EPHA6: variants seen among roughly 807,000 people sequenced by gnomAD.
The protein encoded by EPHA6 is EPH receptor A6, also known as ephrin type-A receptor 6.
In EPHA6, 50 loss-of-function variants were observed where a neutral mutation model predicts 112.0. The ratio of observed to expected loss-of-function variants is 0.45; its 90% CI spans 0.36 to 0.56. The LOEUF (loss-of-function observed/expected upper bound fraction) is 0.56. Among genes scored for constraint, EPHA6 ranks in the 20% least tolerant of loss-of-function variants. EPHA6 has a pLI of 0.00. For synonymous variants in EPHA6, 529 were observed against 490.7 expected, an observed-to-expected ratio of 1.08 and a Z score of -1.03; for missense variants, 1,280 against 1,417.4, an observed-to-expected ratio of 0.90 and a Z score of 1.56.
intron 2 of EPHA6, among the ~76,000 whole-genome samples, chr3:96,889,196 A>C (rs2037811514): frequency 6.6e-6 from 1 of 152,188 alleles, no homozygotes; most frequent in African/African-American, 2.4e-5. Context: ...GTCTCTAGGA[A>C]GTTCCAAAGT....
chr3:96,887,046 T>A (rs113367240), intron 2 of EPHA6, among the ~76,000 whole-genome samples: 6,290 of 152,260 alleles, frequency 0.041, 418 homozygotes, highest in African/African-American at 0.14. Context: ...CCCTCCCTGA[T>A]TAGCTTATTG....
intron 3 of EPHA6, among the ~76,000 whole-genome samples, chr3:97,049,082 C>A (rs2045604526): frequency 6.6e-6 from 1 of 152,158 alleles, no homozygotes; most frequent in African/African-American, 2.4e-5. Flanking sequence ...ACATCAGGGC[C>A]AGTGGGGCTT....
chr3:97,742,892 C>T (rs903439911), intron 16 of EPHA6, among the ~76,000 whole-genome samples: 9 of 152,056 alleles, frequency 5.9e-5, no homozygotes, highest in Non-Finnish European at 1.0e-4. Flanking sequence ...AAAATTATTT[C>T]ATGGATTAAG....
At chr3:97,490,471 C>A (rs1384211228) in intron 10 of EPHA6, among the ~76,000 whole-genome samples, 1 of 152,026 alleles carries the variant, frequency 6.6e-6, no homozygotes, top group Non-Finnish European at 1.5e-5. Context: ...TTGTTTATAA[C>A]TTACAAAGAA....
intron 5 of EPHA6, among the ~76,000 whole-genome samples, chr3:97,343,800 G>C (rs2083419467): frequency 1.3e-5 from 2 of 152,160 alleles, no homozygotes; most frequent in Non-Finnish European, 2.9e-5. Flanking sequence ...AAGAGGGCAG[G>C]GTTGGGACAT....
At chr3:97,007,263 C>A (rs2107927467) in intron 3 of EPHA6, among the ~76,000 whole-genome samples, 1 of 152,214 alleles carries the variant, frequency 6.6e-6, no homozygotes, top group African/African-American at 2.4e-5. Flanking sequence ...TGTCTAAGAA[C>A]TTGTCTTATG....
intron 3 of EPHA6, among the ~76,000 whole-genome samples, chr3:97,066,727 C>G (rs970913989): frequency 6.6e-6 from 1 of 152,082 alleles, no homozygotes; most frequent in Non-Finnish European, 1.5e-5. Context: ...GATTTCAGGG[C>G]AGAGATTATT....
At chr3:96,824,982 T>C (rs2033551298) in intron 1 of EPHA6, among the ~76,000 whole-genome samples, 1 of 151,872 alleles carries the variant, frequency 6.6e-6, no homozygotes, top group Non-Finnish European at 1.5e-5. Flanking sequence ...AGAGAAATGA[T>C]ATAAACTTTA....
chr3:96,994,732 T>TATATATATAGAGAGAGAG (rs1170197805), intron 3 of EPHA6, among the ~76,000 whole-genome samples: 2 of 82,204 alleles, frequency 2.4e-5, no homozygotes, highest in African/African-American at 1.3e-4. Context: ...TATATATATA[T>TATATATATAGAGAGAGAG]AGAGAGAGAG....
intron 3 of EPHA6, among the ~76,000 whole-genome samples, chr3:97,073,046 C>T (rs1405759242): frequency 6.6e-6 from 1 of 152,132 alleles, no homozygotes; most frequent in East Asian, 1.9e-4. Flanking sequence ...CAAAGTGCCC[C>T]CTCCCGCTTC....
chr3:97,425,333 T>C (rs1389357725), intron 6 of EPHA6, among the ~76,000 whole-genome samples: 2 of 152,198 alleles, frequency 1.3e-5, no homozygotes, highest in Non-Finnish European at 2.9e-5. Context: ...GACATCCAGG[T>C]GTTTCCATAT....
rs932099888 is a variant in EPHA6 at position 97,640,780 on chromosome 3, C to CA, written c.2784+2708dup. Among the ~76,000 whole-genome samples, 247 of 140,446 alleles carry CA rather than the reference C, an allele frequency of 1.8e-3. 1 individual carries two copies. The highest frequency in any genetic ancestry group is 5.5e-3 in the African/African-American group (209 of 37,998). The allele number at this position is 140,446 out of a possible 152,430, so 92.1% of individuals were successfully genotyped here. On this transcript the variant is annotated intron_variant, in intron 14 of 17. Coordinates refer to ENST00000389672, the MANE Select transcript of EPHA6 (RefSeq NM_001080448.3). ...GGTCAACAAGAGTGAAACTCCATTT[C>CA]AAAAAAAAAACAAAAGATATTATTG...
At chr3:97,147,670 C>T (rs541967910) in intron 3 of EPHA6, among the ~76,000 whole-genome samples, 24 of 152,100 alleles carry the variant, frequency 1.6e-4, no homozygotes, top group Middle Eastern at 3.4e-3. Context: ...TAAAAACATT[C>T]ATTAAATTGG....
At chr3:96,880,741 G>T (rs1241985829) in intron 2 of EPHA6, among the ~76,000 whole-genome samples, 1 of 151,936 alleles carries the variant, frequency 6.6e-6, no homozygotes, top group African/African-American at 2.4e-5. Context: ...TATCTCTGTG[G>T]ATTCACCTAT....
intron 4 of EPHA6, among the ~76,000 whole-genome samples, chr3:97,242,053 C>T (rs983899501): frequency 6.6e-6 from 1 of 151,550 alleles, no homozygotes; most frequent in African/African-American, 2.4e-5. Flanking sequence ...GTTTGCCTTC[C>T]TGAAGGTAGA....
intron 7 of EPHA6, among the ~76,000 whole-genome samples, chr3:97,469,865 C>T (rs1310014867): frequency 6.6e-6 from 1 of 151,644 alleles, no homozygotes; most frequent in Admixed American, 6.6e-5. Flanking sequence ...AATGATGAAA[C>T]TAGTCTACTC....
At chr3:97,581,422 T>C (rs2093436597) in intron 11 of EPHA6, among the ~76,000 whole-genome samples, 1 of 152,222 alleles carries the variant, frequency 6.6e-6, no homozygotes, top group Non-Finnish European at 1.5e-5. Flanking sequence ...AATTAACCCC[T>C]ATATGCAACA....
chr3:96,996,526 G>T (rs761037306), intron 3 of EPHA6, among the ~76,000 whole-genome samples: 2 of 152,090 alleles, frequency 1.3e-5, no homozygotes. Flanking sequence ...ATGGACTGCA[G>T]AATGGATGTT....
Position 97,756,628 on chromosome 3 carries a change from T to G in EPHA6, c.*7927T>G, listed in dbSNP as rs2036032810. Reference sequence around the variant, plus strand: ...TTAATATATTCATACTATGCAAAAATATCATTTTATTCTTACCAAAAAAAT... The same window carrying G: ...TTAATATATTCATACTATGCAAAAAGATCATTTTATTCTTACCAAAAAAAT... On this transcript the variant is annotated 3_prime_UTR_variant, in exon 18 of 18. Coordinates refer to ENST00000389672, the MANE Select transcript of EPHA6 (RefSeq NM_001080448.3). Among the ~76,000 whole-genome samples, 1 of 151,914 alleles carries G rather than the reference T, an allele frequency of 6.6e-6. No homozygotes were observed. Among genetic ancestry groups the G allele is most frequent in the Non-Finnish European group, 1.5e-5 (1 of 67,788 alleles).
Sources: gnomAD v4.1 joint callset for allele counts (sites outside exome capture counted in the v4.1 genomes callset) on GRCh38, gnomAD v4.1.1 for gene constraint, MANE v1.5 for transcripts, NCBI Gene and HGNC (gene_info 2026-07-23, HGNC 2026-07-21) for gene names.